The following SETX variants were observed in gnomAD, a reference collection of about 807,000 sequenced individuals.
The protein encoded by SETX is senataxin.
A neutral mutation model predicts 227.2 loss-of-function variants in SETX; 90 were observed. That is an observed-to-expected ratio of 0.40 (90% CI 0.33 to 0.47). SETX has a LOEUF of 0.47. Among genes scored for constraint, SETX ranks in the 20% least tolerant of loss-of-function variants. SETX has a pLI of 0.91. For synonymous variants in SETX, 1,210 were observed against 1,113.2 expected, an observed-to-expected ratio of 1.09 and a Z score of -1.73; for missense variants, 3,052 against 3,181.5, an observed-to-expected ratio of 0.96 and a Z score of 0.98.
intron 11 of SETX, among the ~76,000 whole-genome samples, chr9:132,308,071 T>C (rs1227607092): frequency 3.3e-5 from 5 of 152,194 alleles, no homozygotes; most frequent in Admixed American, 1.3e-4. Flanking sequence ...AGTAACCAAA[T>C]AGTAGTAGAG....
In SETX at chr9:132,275,298, G is replaced by A. The variant is rs201629099; in HGVS notation, c.7058C>T (p.Thr2353Met). The A allele has an allele frequency of 3.7e-5, 60 of 1,613,958 alleles. No homozygotes were observed. In the East Asian group the frequency reaches 1.0e-3, roughly 27 times the overall value. The change falls in exon 23 of 26, where the codon ACG becomes ATG. Residue 2353 changes from threonine (T) to methionine (M), a missense_variant. By Grantham distance (81) the Thr-to-Met change is moderately conservative (BLOSUM62 -1). This residue lies in a region of SETX where 412 missense variants were observed against 589.0 expected (regional missense o/e 0.70). Coordinates refer to ENST00000224140, the MANE Select transcript of SETX (RefSeq NM_015046.7). ...TTTGTCCAAATCCTTCTGAATCATC[G>A]TCTTCTGGGCCTTGTAATGAGTTAT... is the stretch of plus-strand genomic sequence containing the variant. ...GIITHYKAQK[T>M]MIQKDLDKEF... is the part of the protein sequence containing the mutation.
In SETX at chr9:132,342,803, A is replaced by G; in HGVS notation, c.389-4T>C. ...AGTGCTTCAACACATAACTCGTCTA[A>G]AAAGAAAAAAATAAGTAAAATACAT... On this transcript the variant is annotated splice_region_variant and splice_polypyrimidine_tract_variant and intron_variant, in intron 4 of 25. Transcript: ENST00000224140. 1 of 1,601,734 alleles carries G rather than the reference A, an allele frequency of 6.2e-7. No homozygotes were observed. The highest frequency in any genetic ancestry group is 1.1e-5 in the South Asian group (1 of 90,834).
rs1474087502 is a variant in SETX, at chr9:132,264,652, G to A, written c.7621C>T (p.Leu2541=). ...ACCTCAATGCCCATCCTCTTCAGCA[G>A]TCGTGGGTCCTGAAGTTGGTCATGA... is the stretch of plus-strand genomic sequence containing the variant. ...PVHDQLQDPR[L]LKRMGIEVKG... Residue 2541 remains leucine (L), a synonymous_variant, in exon 26 of 26, where the codon CTG becomes TTG. Coordinates refer to ENST00000224140, the MANE Select transcript of SETX (RefSeq NM_015046.7). The A allele has an allele frequency of 6.2e-7, 1 of 1,614,256 alleles. No individual in the cohort carries two copies. The highest frequency in any genetic ancestry group is 8.5e-7 in the Non-Finnish European group (1 of 1,180,050).
At chr9:132,304,967 C>T (rs949045991) in intron 11 of SETX, among the ~76,000 whole-genome samples, 1 of 151,718 alleles carries the variant, frequency 6.6e-6, no homozygotes, top group Non-Finnish European at 1.5e-5. Flanking sequence ...TGCACTTCAG[C>T]CTGGGTAACA....
chr9:132,273,937 G>GCCTT (rs1843022245), intron 23 of SETX, among the ~76,000 whole-genome samples: 1 of 150,380 alleles, frequency 6.6e-6, no homozygotes, highest in Admixed American at 6.6e-5. Flanking sequence ...TTTTGTAAAT[G>GCCTT]CCTTTTATTA....
intron 11 of SETX, among the ~76,000 whole-genome samples, chr9:132,303,583 C>T (rs992533597): frequency 3.3e-5 from 5 of 151,752 alleles, no homozygotes; most frequent in African/African-American, 1.2e-4. Context: ...AGGCATTCCA[C>T]AGATTAGGAG....
intron 2 of SETX, 131 bp from the exon 3 acceptor site, chr9:132,349,566 T>C (rs1848498491): frequency 1.2e-6 from 1 of 865,250 alleles, no homozygotes; most frequent in African/African-American, 1.7e-5. Context: ...AATCTTCTGC[T>C]GGCTGGCTTA....
chr9:132,284,178 G>C (rs929771126), intron 18 of SETX, among the ~76,000 whole-genome samples: 1 of 152,212 alleles, frequency 6.6e-6, no homozygotes, highest in Admixed American at 6.5e-5. Flanking sequence ...AGCACTGTCA[G>C]ACACTGTCCT....
chr9:132,332,227 C>T (rs1423981660), intron 7 of SETX, among the ~76,000 whole-genome samples: 1 of 152,166 alleles, frequency 6.6e-6, no homozygotes, highest in Non-Finnish European at 1.5e-5. Flanking sequence ...TTCCTATAAT[C>T]ATACACTATC....
chr9:132,347,718 C>T (rs546167507), intron 3 of SETX, among the ~76,000 whole-genome samples: 1 of 151,032 alleles, frequency 6.6e-6, no homozygotes, highest in African/African-American at 2.4e-5. Flanking sequence ...AATGCAAAAC[C>T]GAGGCCCTTC....
At chr9:132,286,804 A>T (rs1186317835) in intron 17 of SETX, among the ~76,000 whole-genome samples, 1 of 152,252 alleles carries the variant, frequency 6.6e-6, no homozygotes, top group African/African-American at 2.4e-5. Context: ...CTCTGGCCAC[A>T]GTGATGGGCA....
In SETX at chr9:132,349,373, T is replaced by C. The variant is rs1848483700; in HGVS notation, c.56A>G (p.Lys19Arg). 6.2e-7 allele frequency: 1 copy of C among 1,614,032 alleles called. No individual in the cohort carries two copies. The highest frequency in any genetic ancestry group is 8.5e-7 in the Non-Finnish European group (1 of 1,180,042). The change falls in exon 3 of 26, where the codon AAG (lysine) becomes AGG (arginine). Residue 19 changes from lysine (K) to arginine (R), a missense_variant. Lys to Arg is a conservative substitution (Grantham distance 26, BLOSUM62 2). Around this residue, in one of 10 missense-constraint regions of SETX, gnomAD observed 152 missense variants for 156.2 expected, o/e 0.97. Transcript: ENST00000224140. ...GGACGGAGTGTTGGAAGCATAGCGC[T>C]TTAGGAAGTCAATGGTGGAAGCACC... ...PGGASTIDFL[K>R]RYASNTPSGE...
Position 132,344,847 on chromosome 9 carries a change from C to G in SETX, c.388+1414G>C, listed in dbSNP as rs564450773. On this transcript the variant is annotated intron_variant, in intron 4 of 25. Transcript: ENST00000224140. ...CCAAGATCCTGCCACTGCACTCCAG[C>G]CTGGGCGACAGTGAGACTCTTTAAA... Among the ~76,000 whole-genome samples, 58 of 142,034 alleles carry G rather than the reference C, an allele frequency of 4.1e-4. 1 individual carries two copies. Among genetic ancestry groups the G allele is most frequent in the Admixed American group, 3.9e-3 (53 of 13,494 alleles). The allele number at this position is 142,034 out of a possible 152,430, so 93.2% of individuals were successfully genotyped here.
chr9:132,276,977 G>A (rs544012395), intron 22 of SETX, 83 bp downstream of exon 22: 4 of 1,191,808 alleles, frequency 3.4e-6, no homozygotes, highest in South Asian at 1.2e-5. Context: ...ATGTGTATAG[G>A]AAATGTATTT....
intron 10 of SETX, among the ~76,000 whole-genome samples, chr9:132,324,062 G>A (rs757930227): frequency 2.6e-5 from 4 of 151,964 alleles, no homozygotes; most frequent in Admixed American, 2.0e-4. Flanking sequence ...TGTACAAATG[G>A]AACTTGTGCT....
intron 19 of SETX, among the ~76,000 whole-genome samples, chr9:132,282,368 G>A (rs972743095): frequency 6.7e-6 from 1 of 149,330 alleles, no homozygotes; most frequent in African/African-American, 2.5e-5. Flanking sequence ...CATGATCGTT[G>A]TTCACCGCCT....
At chr9:132,321,843 G>A (rs1336263261) in intron 10 of SETX, among the ~76,000 whole-genome samples, 4 of 151,962 alleles carry the variant, frequency 2.6e-5, no homozygotes, top group African/African-American at 7.2e-5. Flanking sequence ...GTGAGACTCC[G>A]TCTGAAGAAA....
chr9:132,307,749 G>A (rs1845416131), intron 11 of SETX, among the ~76,000 whole-genome samples: 2 of 151,248 alleles, frequency 1.3e-5, no homozygotes, highest in South Asian at 4.2e-4. Context: ...CACGATCTCG[G>A]CTCACTGCAA....
intron 15 of SETX, among the ~76,000 whole-genome samples, chr9:132,292,859 G>C (rs937925761): frequency 6.6e-6 from 1 of 151,980 alleles, no homozygotes; most frequent in African/African-American, 2.4e-5. Flanking sequence ...GGATGGTTTC[G>C]ATCTCCTGAC....
Sources: allele counts gnomAD v4.1 joint callset (sites outside exome capture counted in the v4.1 genomes callset), GRCh38; gene constraint gnomAD v4.1.1; regional missense constraint gnomAD v4.1.1; transcripts MANE v1.5; gene names NCBI Gene and HGNC (gene_info 2026-07-23, HGNC 2026-07-21).